Variants in CNNM4 observed in about 807,000 individuals in gnomAD.
CNNM4 encodes cyclin and CBS domain divalent metal cation transport mediator 4.
In CNNM4, 32 loss-of-function variants were observed where a neutral mutation model predicts 53.7. That is an observed-to-expected ratio of 0.60 (90% confidence interval 0.45 to 0.80). The LOEUF (loss-of-function observed/expected upper bound fraction) is 0.80, where lower values mean the gene tolerates loss of function less well. Ranked by LOEUF, CNNM4 falls within the 30% of genes least tolerant of loss-of-function variation. The pLI, the probability that CNNM4 is intolerant of heterozygous loss-of-function variation, is 0.00. For synonymous variants in CNNM4, 410 were observed against 440.0 expected (o/e 0.93, Z 0.85); for missense variants, 784 against 1,022.0 (o/e 0.77, Z 3.17).
In CNNM4 at chr2:96,799,613, A is replaced by C; in HGVS notation, c.1913A>C (p.Tyr638Ser). 6.4e-7 allele frequency: 1 copy of C among 1,553,208 alleles called. No individual in the cohort carries two copies. The highest frequency in any genetic ancestry group is 1.2e-5 in the South Asian group (1 of 84,096). ...NMKFETGAFS[Y>S]YGTMALTSVP... ...AAGTTTGAGACGGGCGCCTTCTCCT[A>C]CTATGGGACTATGGCCCTGACCTCG... The change falls in exon 5 of 7, where the codon TAC becomes TCC. Residue 638 changes from tyrosine to serine, a missense_variant. Physicochemically the swap from Tyr to Ser is moderately radical, Grantham distance 144. Around this residue, in one of 3 missense-constraint regions of CNNM4, gnomAD observed 307 missense variants for 376.3 expected, o/e 0.82. Coordinates refer to ENST00000377075, the MANE Select transcript of CNNM4 (RefSeq NM_020184.4).
intron 1 of CNNM4, among the ~76,000 whole-genome samples, chr2:96,781,902 C>T (rs904775056): frequency 1.8e-4 from 28 of 152,106 alleles, no homozygotes; most frequent in Admixed American, 2.6e-4. Context: ...TTTACCAGAT[C>T]AAGGAAATTC....
intron 1 of CNNM4, 48 bp from the exon 2 acceptor site, chr2:96,796,964 C>T: frequency 6.2e-7 from 1 of 1,605,078 alleles, no homozygotes; most frequent in African/African-American, 1.3e-5. Flanking sequence ...GAGGGAGTCT[C>T]ATGACTGGCC....
chr2:96,770,152 G>A (rs767685625), intron 1 of CNNM4, among the ~76,000 whole-genome samples: 3 of 152,240 alleles, frequency 2.0e-5, no homozygotes, highest in Non-Finnish European at 2.9e-5. Flanking sequence ...TCACTTGACA[G>A]TTCTCTTCTC....
At position 96,797,617 on chromosome 2, in the gene CNNM4, C is replaced by T; in HGVS notation, c.1651C>T (p.Leu551Phe). Residue 551 changes from leucine (L) to phenylalanine (F), a missense_variant, in exon 3 of 7, where the codon CTC becomes TTC. This residue lies in a region of CNNM4 where 307 missense variants were observed against 376.3 expected (regional missense o/e 0.82). Coordinates refer to ENST00000377075, the MANE Select transcript of CNNM4 (RefSeq NM_020184.4). This position sits in a 1 kb window ranked among gnomAD's most constrained non-coding sequence, Gnocchi z 6.0. ...CAAAGTGAAAATCTCCCCGCAGCTCCTCCTGGCCGCTCATCGCTTCCTAGC... is the reference window on the plus strand; with the variant it reads ...CAAAGTGAAAATCTCCCCGCAGCTCTTCCTGGCCGCTCATCGCTTCCTAGC... ...ELKVKISPQL[L>F]LAAHRFLATE... The T allele has an allele frequency of 6.2e-7, 1 of 1,614,186 alleles. No individual in the cohort carries two copies.
intron 1 of CNNM4, among the ~76,000 whole-genome samples, chr2:96,789,202 T>A (rs539782125): frequency 6.6e-6 from 1 of 152,114 alleles, no homozygotes; most frequent in East Asian, 1.9e-4. Flanking sequence ...GGTCAGCCGA[T>A]GGCACAGAGC....
chr2:96,793,613 A>G (rs191077720), intron 1 of CNNM4, among the ~76,000 whole-genome samples: 133 of 152,352 alleles, frequency 8.7e-4, no homozygotes, highest in Non-Finnish European at 1.6e-3. Context: ...AATGGTATCA[A>G]GACCCTGCTC....
At chr2:96,806,535 A>ACACACACACACACACGCG (rs374638753) in intron 5 of CNNM4, among the ~76,000 whole-genome samples, 30 of 123,936 alleles carry the variant, frequency 2.4e-4, no homozygotes, top group African/African-American at 8.1e-4. Flanking sequence ...ACACACACAC[A>ACACACACACACACACGCG]CGCGCGCGCG....
chr2:96,765,189 C>T (rs1332218570), intron 1 of CNNM4, among the ~76,000 whole-genome samples: 2 of 148,898 alleles, frequency 1.3e-5, no homozygotes, highest in Non-Finnish European at 3.0e-5. Flanking sequence ...TGTAATGGCA[C>T]AATCTCGGCT....
chr2:96,797,188 C>T lies in CNNM4; in HGVS notation c.1546+33C>T. Reference sequence around the variant, plus strand: ...CAGCCTTCCACAGGGCCCAGGACCCCTTTCCTGCTTGGATCGAAACTTGGT... The same window carrying T: ...CAGCCTTCCACAGGGCCCAGGACCCTTTTCCTGCTTGGATCGAAACTTGGT... On this transcript the variant is annotated intron_variant, in intron 2 of 6. Coordinates refer to ENST00000377075, the MANE Select transcript of CNNM4 (RefSeq NM_020184.4). This position sits in a 1 kb window ranked among gnomAD's most constrained non-coding sequence, Gnocchi z 6.0. 1 of 1,613,594 alleles carries T rather than the reference C, an allele frequency of 6.2e-7. No individual in the cohort carries two copies. Among genetic ancestry groups the T allele is most frequent in the Non-Finnish European group, 8.5e-7 (1 of 1,179,928 alleles).
intron 1 of CNNM4, among the ~76,000 whole-genome samples, chr2:96,772,763 G>A (rs570005236): frequency 8.1e-6 from 1 of 122,968 alleles, no homozygotes; most frequent in East Asian, 2.6e-4. Flanking sequence ...CCCCACATAG[G>A]CACAGGCAGG....
Position 96,767,425 on chromosome 2 carries a change from A to C in CNNM4, c.1402+5024A>C, listed in dbSNP as rs115999395. Among the ~76,000 whole-genome samples, 1,015 of 152,138 alleles carry C rather than the reference A, an allele frequency of 6.7e-3. 11 individuals are homozygous for C. The highest frequency in any genetic ancestry group is 0.023 in the African/African-American group (944 of 41,466). On this transcript the variant is annotated intron_variant, in intron 1 of 6. Transcript: ENST00000377075. ...TTGTCCACCTTGGAATCTCAGAACA[A>C]AGCCACCTCCAGCTCCTCCTGCCCC...
chr2:96,787,937 T>C (rs2079028854), intron 1 of CNNM4, among the ~76,000 whole-genome samples: 1 of 152,250 alleles, frequency 6.6e-6, no homozygotes, highest in Admixed American at 6.5e-5. Flanking sequence ...GTTTGCTTGT[T>C]TTTGAGACAG....
rs76184865 is a variant in CNNM4 at position 96,763,549 on chromosome 2, G to A, written c.1402+1148G>A. On this transcript the variant is annotated intron_variant, in intron 1 of 6. Transcript: ENST00000377075. ...CATTCCCATAGGAGAGCTCCTACTG[G>A]CTGAGGCTGCTCAGGCCGACCTAGG... is the stretch of plus-strand genomic sequence containing the variant. Among the ~76,000 whole-genome samples, 1,068 of 152,296 alleles carry A rather than the reference G, an allele frequency of 7.0e-3. 8 individuals are homozygous for A. Among genetic ancestry groups the A allele is most frequent in the African/African-American group, 0.025 (1,030 of 41,550 alleles).
chr2:96,804,270 C>A (rs1486350324), intron 5 of CNNM4, among the ~76,000 whole-genome samples: 1 of 149,646 alleles, frequency 6.7e-6, no homozygotes, highest in Non-Finnish European at 1.5e-5. Flanking sequence ...TGCTGCGACG[C>A]CCAGGCTGGA....
chr2:96,804,935 T>C lies in CNNM4; in HGVS notation c.1949-3626T>C, dbSNP rs547737883. 4.6e-5 allele frequency among the ~76,000 whole-genome samples: 7 copies of C among 152,122 alleles called. No individual in the cohort carries two copies. The South Asian group carries it at 1.5e-3, about 32-fold the overall frequency. The stretch of plus-strand genomic sequence containing the variant: ...ACTTTGGGAGGCTGAGGCAGGAGGA[T>C]CGCTTGAGCCCAGGAGTTTCAAACC... On this transcript the variant is annotated intron_variant, in intron 5 of 6. Coordinates refer to ENST00000377075, the MANE Select transcript of CNNM4 (RefSeq NM_020184.4).
chr2:96,775,134 GC>G (rs1400402575), intron 1 of CNNM4, among the ~76,000 whole-genome samples: 1 of 151,880 alleles, frequency 6.6e-6, no homozygotes, highest in Non-Finnish European at 1.5e-5. Flanking sequence ...TAAGGGTACA[GC>G]CTGATAGCTT....
intron 1 of CNNM4, among the ~76,000 whole-genome samples, chr2:96,780,496 G>C (rs1321771321): frequency 4.7e-5 from 7 of 149,448 alleles, no homozygotes; most frequent in Non-Finnish European, 8.9e-5. Flanking sequence ...CTGACTTCAA[G>C]TGATCCTCCC....
At chr2:96,809,213 G>A in intron 6 of CNNM4, 107 bp from the exon 7 acceptor site, 1 of 1,558,222 alleles carries the variant, frequency 6.4e-7, no homozygotes, top group South Asian at 1.2e-5. Context: ...GACTGGTCAT[G>A]TTCTCTCTCA....
At position 96,800,065 on chromosome 2, in the gene CNNM4, G is replaced by T. The variant is rs979015593; in HGVS notation, c.1948+417G>T. Among the ~76,000 whole-genome samples the T allele has an allele frequency of 5.9e-5, 9 of 152,224 alleles. No individual in the cohort carries two copies. The highest frequency in any genetic ancestry group is 1.9e-4 in the African/African-American group (8 of 41,462). On this transcript the variant is annotated intron_variant, in intron 5 of 6. Coordinates refer to ENST00000377075, the MANE Select transcript of CNNM4 (RefSeq NM_020184.4). This position sits in a 1 kb window ranked among gnomAD's most constrained non-coding sequence, Gnocchi z 4.6. The stretch of plus-strand genomic sequence containing the variant: ...GGCCAGGGCCTGTTTGCCAGGGCAG[G>T]CTGCAGATGGGTTTGGCTTTTCGGA...
Sources: allele counts gnomAD v4.1 joint callset (sites outside exome capture counted in the v4.1 genomes callset), GRCh38; gene constraint gnomAD v4.1.1; regional missense constraint gnomAD v4.1.1; non-coding constraint Gnocchi (gnomAD v3.1); transcripts MANE v1.5; gene names NCBI Gene and HGNC (gene_info 2026-07-23, HGNC 2026-07-21).